The following MYOM2 variants were observed in gnomAD, a reference collection of about 807,000 sequenced individuals.
The protein encoded by MYOM2 is myomesin-2.
In MYOM2, 254 loss-of-function variants were observed where a neutral mutation model predicts 187.6. The observed-to-expected ratio is 1.35, with a 90% confidence interval of 1.22 to 1.50. The LOEUF (loss-of-function observed/expected upper bound fraction) is 1.50, where lower values mean the gene tolerates loss of function less well. Among genes scored for constraint, MYOM2 ranks in the 40% most tolerant of loss-of-function variants. MYOM2 has a pLI of 0.00. For missense variants in MYOM2, 2,796 were observed against 1,924.0 expected (o/e 1.45, Z -8.48); for synonymous variants, 981 against 753.8 (o/e 1.30, Z -4.94).
At chr8:2,101,838 T>C (rs1470596124) in intron 20 of MYOM2, among the ~76,000 whole-genome samples, 1 of 152,256 alleles carries the variant, frequency 6.6e-6, no homozygotes, top group African/African-American at 2.4e-5. Flanking sequence ...TTTTCATACA[T>C]GGAGCAAAAC....
At position 2,135,561 on chromosome 8, in the gene MYOM2, T is replaced by G. The variant is rs139334333; in HGVS notation, c.3801-5162T>G. Among the ~76,000 whole-genome samples, 3 of 151,984 alleles carry G rather than the reference T, an allele frequency of 2.0e-5. No individual in the cohort carries two copies. In the South Asian group the frequency reaches 6.2e-4, roughly 32 times the overall value. The stretch of plus-strand genomic sequence containing the variant: ...TCCTTCCTACCTACCCCGTCACAGT[T>G]GACCATCCTGCTGGTTGCTTTAGCA... On this transcript the variant is annotated intron_variant, in intron 32 of 36. Transcript: ENST00000262113.
chr8:2,063,464 G>T (rs539074683), intron 6 of MYOM2, among the ~76,000 whole-genome samples: 1 of 152,088 alleles, frequency 6.6e-6, no homozygotes, highest in Non-Finnish European at 1.5e-5. Context: ...TTTTCCCATG[G>T]GACTCATGAT....
At chr8:2,094,893 C>T (rs550063883) in intron 17 of MYOM2, among the ~76,000 whole-genome samples, 1 of 152,162 alleles carries the variant, frequency 6.6e-6, no homozygotes, top group African/African-American at 2.4e-5. Flanking sequence ...AGAACAGTTG[C>T]TGTATCAAGC....
intron 31 of MYOM2, among the ~76,000 whole-genome samples, chr8:2,125,363 C>G (rs577491079): frequency 9.2e-5 from 14 of 152,278 alleles, no homozygotes; most frequent in Admixed American, 7.2e-4. Context: ...CCTATTGTGT[C>G]TTCTTGGCAT....
intron 13 of MYOM2, among the ~76,000 whole-genome samples, chr8:2,080,636 C>T (rs527673888): frequency 6.6e-6 from 1 of 152,210 alleles, no homozygotes; most frequent in Non-Finnish European, 1.5e-5. Flanking sequence ...CTTGCAGTCT[C>T]CTGGGCATCT....
chr8:2,058,822 C>T (rs1818757880), intron 5 of MYOM2, among the ~76,000 whole-genome samples: 1 of 152,198 alleles, frequency 6.6e-6, no homozygotes, highest in Admixed American at 6.5e-5. Flanking sequence ...ACTAGCTACA[C>T]TGCAGCTTAA....
intron 23 of MYOM2, among the ~76,000 whole-genome samples, chr8:2,107,801 T>C (rs1796944408): frequency 6.6e-6 from 1 of 152,204 alleles, no homozygotes; most frequent in African/African-American, 2.4e-5. Flanking sequence ...TTTTGTACCT[T>C]CACGACATCC....
chr8:2,107,935 C>G (rs563308551), intron 23 of MYOM2, among the ~76,000 whole-genome samples: 122 of 152,298 alleles, frequency 8.0e-4, no homozygotes, highest in African/African-American at 2.7e-3. Context: ...GTATAGACTT[C>G]AAATATATTT....
chr8:2,123,438 C>T (rs1260448199), intron 29 of MYOM2, 73 bp downstream of exon 29: 6 of 1,459,236 alleles, frequency 4.1e-6, no homozygotes, highest in East Asian at 4.5e-5. Context: ...ATTCTACAAT[C>T]CTCTAATTTG....
intron 12 of MYOM2, 96 bp downstream of exon 12, chr8:2,079,029 C>A (rs1363015092): frequency 4.2e-6 from 5 of 1,195,228 alleles, no homozygotes; most frequent in East Asian, 2.3e-5. Context: ...TCGATGTGAG[C>A]CCTGAGAATG....
chr8:2,112,405 G>A (rs947856692), intron 25 of MYOM2, among the ~76,000 whole-genome samples: 1 of 151,876 alleles, frequency 6.6e-6, no homozygotes, highest in African/African-American at 2.4e-5. Context: ...TCGGGGGGTG[G>A]GGGTCAGGGA....
intron 23 of MYOM2, among the ~76,000 whole-genome samples, chr8:2,108,406 G>C (rs866185570): frequency 6.6e-6 from 1 of 151,964 alleles, no homozygotes; most frequent in African/African-American, 2.4e-5. Context: ...TCACAGGCCA[G>C]AAGCACGTTC....
At chr8:2,120,680 T>TATAAA in intron 28 of MYOM2, among the ~76,000 whole-genome samples, 1 of 48,300 alleles carries the variant, frequency 2.1e-5, no homozygotes, top group Non-Finnish European at 4.1e-5. Flanking sequence ...ATATATTATA[T>TATAAA]TATATATAAA....
At chr8:2,063,746 C>A (rs987863999) in intron 6 of MYOM2, among the ~76,000 whole-genome samples, 3 of 152,204 alleles carry the variant, frequency 2.0e-5, no homozygotes, top group Non-Finnish European at 4.4e-5. Context: ...TGGCACTTAA[C>A]CTTATGGCTG....
rs745675009 is a variant in MYOM2, at chr8:2,089,994, G to T, written c.1645-14G>T. The T allele has an allele frequency of 3.7e-6, 6 of 1,612,586 alleles. No individual in the cohort carries two copies. The highest frequency in any genetic ancestry group is 5.1e-6 in the Non-Finnish European group (6 of 1,179,146). On this transcript the variant is annotated splice_polypyrimidine_tract_variant and intron_variant, in intron 14 of 36. Transcript: ENST00000262113. ...GGTTTTCACTGCCAGTCTCGTTTCT[G>T]TTTCTCTTTGTAGTCCGTGGTGGGG...
At chr8:2,100,646 T>A (rs1796673889) in intron 19 of MYOM2, 1 of 558,964 alleles carries the variant, frequency 1.8e-6, no homozygotes, top group African/African-American at 1.9e-5. Context: ...TGAATGATTC[T>A]ACGTAGATCC....
chr8:2,075,893 AC>A (rs1819400335), intron 10 of MYOM2, among the ~76,000 whole-genome samples: 1 of 152,246 alleles, frequency 6.6e-6, no homozygotes, highest in African/African-American at 2.4e-5. Context: ...GGATCTAATG[AC>A]GAAAAATTGT....
At chr8:2,088,868 C>T (rs924551533) in intron 14 of MYOM2, among the ~76,000 whole-genome samples, 1 of 152,258 alleles carries the variant, frequency 6.6e-6, no homozygotes, top group African/African-American at 2.4e-5. Flanking sequence ...GAGCTAATGA[C>T]ATTCCCCCAG....
intron 18 of MYOM2, among the ~76,000 whole-genome samples, chr8:2,097,670 ACG>A (rs1796541163): frequency 6.6e-6 from 1 of 151,774 alleles, no homozygotes; most frequent in African/African-American, 2.4e-5. Flanking sequence ...GCCCACCACC[ACG>A]CCCGGCTAAT....
Sources: allele counts gnomAD v4.1 joint callset (sites outside exome capture counted in the v4.1 genomes callset), GRCh38; gene constraint gnomAD v4.1.1; transcripts MANE v1.5; gene names NCBI Gene and HGNC (gene_info 2026-07-23, HGNC 2026-07-21).